The following PAX8 variants were observed in gnomAD, a reference collection of about 807,000 sequenced individuals.
The protein encoded by PAX8 is paired box protein Pax-8.
In PAX8, 15 loss-of-function variants were observed where a neutral mutation model predicts 52.4. That is an observed-to-expected ratio of 0.29 (90% CI 0.19 to 0.44). The LOEUF (loss-of-function observed/expected upper bound fraction) is 0.44. Ranked by LOEUF, PAX8 falls within the 20% of genes least tolerant of loss-of-function variation. PAX8 has a pLI of 1.00. For missense variants in PAX8, 554 were observed against 602.5 expected, an observed-to-expected ratio of 0.92 and a Z score of 0.84; for synonymous variants, 284 against 249.7, an observed-to-expected ratio of 1.14 and a Z score of -1.29.
At chr2:113,227,307 T>C (rs1258913411) in intron 9 of PAX8, 51 bp from the exon 10 acceptor site, 2 of 1,401,326 alleles carry the variant, frequency 1.4e-6, no homozygotes, top group Non-Finnish European at 2.0e-6. Flanking sequence ...GGCTCCCATA[T>C]GTATCATCTC....
chr2:113,245,528 A>G (rs2104502820), intron 3 of PAX8, among the ~76,000 whole-genome samples: 1 of 151,862 alleles, frequency 6.6e-6, no homozygotes, highest in Non-Finnish European at 1.5e-5. Flanking sequence ...CTCCTCATGG[A>G]CTCTGGAATC....
chr2:113,261,133 CA>C (rs1405413343), intron 2 of PAX8, among the ~76,000 whole-genome samples: 1 of 152,074 alleles, frequency 6.6e-6, no homozygotes, highest in Admixed American at 6.5e-5. Context: ...CTCACTGCTG[CA>C]GAAGAAAAGG....
At chr2:113,263,896 A>G (rs1692868287) in intron 2 of PAX8, among the ~76,000 whole-genome samples, 1 of 152,210 alleles carries the variant, frequency 6.6e-6, no homozygotes, top group African/African-American at 2.4e-5. Flanking sequence ...TATAGACCAC[A>G]CTTGAGAAAC....
At chr2:113,241,944 C>T (rs1690884030) in intron 6 of PAX8, 64 bp downstream of exon 6, 13 of 1,586,256 alleles carry the variant, frequency 8.2e-6, no homozygotes. Context: ...GGTTTCTGTC[C>T]CCATCAAAGC....
At position 113,216,387 on chromosome 2, in the gene PAX8, T is replaced by C. The variant is rs895412; in HGVS notation, c.*2146A>G. ...GGTAAGAGCCCTCTCTCCCAGCCTC[T>C]GTCCTCCCAGCCCTGGAGTCCTTGG... is the stretch of plus-strand genomic sequence containing the variant. On this transcript the variant is annotated 3_prime_UTR_variant, in exon 12 of 12. Transcript: ENST00000429538. 104,592 of 231,298 alleles carry C rather than the reference T, an allele frequency of 0.45. 25,276 individuals are homozygous for C. The highest frequency in any genetic ancestry group is 0.63 in the East Asian group (10,380 of 16,358). 14.3% of individuals were successfully genotyped at this position (231,298 alleles called of 1,614,324 possible).
chr2:113,244,044 T>C (rs971131385), intron 4 of PAX8, among the ~76,000 whole-genome samples: 3 of 152,344 alleles, frequency 2.0e-5, no homozygotes, highest in African/African-American at 7.2e-5. Context: ...AATGATTGAT[T>C]GAGGCAGTGA....
chr2:113,271,574 G>C (rs1693460389), intron 2 of PAX8: 1 of 151,632 alleles, frequency 6.6e-6, no homozygotes, highest in African/African-American at 2.4e-5. Context: ...TTAAACTGGA[G>C]AGTGGGGAAC....
chr2:113,221,094 A>G (rs554674290), intron 10 of PAX8, among the ~76,000 whole-genome samples: 16 of 152,236 alleles, frequency 1.1e-4, no homozygotes, highest in Non-Finnish European at 1.9e-4. Context: ...CCCATGAGGT[A>G]CTCATGGATA....
At position 113,241,899 on chromosome 2, in the gene PAX8, A is replaced by G. The variant is rs1487818518; in HGVS notation, c.601+109T>C. ...GACAGGACATGTGACAGTCACATGCAGAGCCCCTACAAAGTCCCATATCAT... is the reference window on the plus strand; with the variant it reads ...GACAGGACATGTGACAGTCACATGCGGAGCCCCTACAAAGTCCCATATCAT... On this transcript the variant is annotated intron_variant, in intron 6 of 11. Coordinates refer to ENST00000429538, the MANE Select transcript of PAX8 (RefSeq NM_003466.4). 1.2e-5 allele frequency: 18 copies of G among 1,463,306 alleles called. No individual in the cohort carries two copies. The East Asian group carries it at 3.8e-4, about 31-fold the overall frequency. The allele number at this position is 1,463,306 out of a possible 1,614,324, so 90.6% of individuals were successfully genotyped here.
At chr2:113,241,916 C>A in intron 6 of PAX8, 92 bp downstream of exon 6, 3 of 1,519,320 alleles carry the variant, frequency 2.0e-6, no homozygotes, top group Non-Finnish European at 2.7e-6. Context: ...CTACAAAGTC[C>A]CATATCATAA....
chr2:113,251,178 G>A (rs180883538), intron 2 of PAX8, among the ~76,000 whole-genome samples: 45 of 152,276 alleles, frequency 3.0e-4, no homozygotes, highest in Non-Finnish European at 4.6e-4. Context: ...TCCTGTGTCC[G>A]GTGTGGGGGA....
intron 2 of PAX8, chr2:113,266,143 C>T (rs1341212187): frequency 6.6e-6 from 1 of 152,174 alleles, no homozygotes; most frequent in Non-Finnish European, 1.5e-5. Context: ...CAGTGGATGA[C>T]TGGGAATAGA....
rs866863706 is a variant in PAX8 at position 113,216,509 on chromosome 2, G to A, written c.*2024C>T. 27 of 230,392 alleles carry A rather than the reference G, an allele frequency of 1.2e-4. No homozygotes were observed. The highest frequency in any genetic ancestry group is 5.5e-4 in the African/African-American group (25 of 45,162). The allele number at this position is 230,392 out of a possible 1,614,324, so 14.3% of individuals were successfully genotyped here. On this transcript the variant is annotated 3_prime_UTR_variant, in exon 12 of 12. Transcript: ENST00000429538. ...AGGCCCCTGCCCCCTTGTTCCAGCT[G>A]TGTCCCACATGGAGAAGGTCCATGT...
intron 2 of PAX8, chr2:113,273,664 T>C (rs1693617165): frequency 6.6e-6 from 1 of 152,228 alleles, no homozygotes; most frequent in Non-Finnish European, 1.5e-5. Context: ...ATTGTTTTTA[T>C]GAGAACCAAT....
At position 113,278,436 on chromosome 2, in the gene PAX8, C is replaced by G. The variant is rs770776654; in HGVS notation, c.-42G>C. On this transcript the variant is annotated 5_prime_UTR_variant, in exon 2 of 12. Transcript: ENST00000429538. The stretch of plus-strand genomic sequence containing the variant: ...GCAGCCCGCCGAGGGCTCGGGGCTT[C>G]CTCCCGTAGGTCCGGGCCGCGCCTG... The G allele has an allele frequency of 1.2e-6, 2 of 1,609,528 alleles. No individual in the cohort carries two copies. Among genetic ancestry groups the G allele is most frequent in the South Asian group, 2.2e-5 (2 of 90,780 alleles).
At chr2:113,232,483 C>T (rs534151528) in intron 9 of PAX8, among the ~76,000 whole-genome samples, 2 of 152,366 alleles carry the variant, frequency 1.3e-5, no homozygotes, top group East Asian at 1.9e-4. Context: ...TTGGGGGCCA[C>T]CAGCCTGAAA....
rs1689607079 is a variant in PAX8 at position 113,226,811 on chromosome 2, G to GC, written c.1189+343dup. On this transcript the variant is annotated intron_variant, in intron 10 of 11. Coordinates refer to ENST00000429538, the MANE Select transcript of PAX8 (RefSeq NM_003466.4). Reference sequence around the variant, plus strand: ...CATCTTCCACTCACAGTGTTTTGGGGCCCTTAGAGTGCTCTCCATTTATGC... The same window carrying GC: ...CATCTTCCACTCACAGTGTTTTGGGGCCCCTTAGAGTGCTCTCCATTTATGC... The GC allele has an allele frequency of 4.0e-6, 5 of 1,236,768 alleles. No homozygotes were observed. In the African/African-American group the frequency reaches 7.6e-5, roughly 19 times the overall value. The allele number at this position is 1,236,768 out of a possible 1,614,324, so 76.6% of individuals were successfully genotyped here.
At chr2:113,226,634 T>C (rs1051334040) in intron 10 of PAX8, 4 of 1,086,376 alleles carry the variant, frequency 3.7e-6, no homozygotes, top group African/African-American at 3.3e-5. Context: ...GAGAGAGAGA[T>C]GTGAAGCATA....
intron 2 of PAX8, among the ~76,000 whole-genome samples, chr2:113,256,011 A>AAT (rs1553416880): frequency 0.034 from 5,075 of 151,438 alleles, 105 homozygotes; most frequent in Non-Finnish European, 0.054. Flanking sequence ...AAAAAAAAAA[A>AAT]GTTCTCCAGT....
Sources: gnomAD v4.1 joint callset for allele counts (sites outside exome capture counted in the v4.1 genomes callset) on GRCh38, gnomAD v4.1.1 for gene constraint, MANE v1.5 for transcripts, NCBI Gene and HGNC (gene_info 2026-07-23, HGNC 2026-07-21) for gene names.